The following GSK3A variants were observed in gnomAD, a reference collection of about 807,000 sequenced individuals.
GSK3A encodes the protein glycogen synthase kinase-3 alpha.
In GSK3A, 14 loss-of-function variants were observed where a neutral mutation model predicts 56.6. The observed-to-expected ratio is 0.25, with a 90% confidence interval of 0.16 to 0.39. The LOEUF (loss-of-function observed/expected upper bound fraction) is 0.39. GSK3A is among the 10% of genes least tolerant of loss of function. The pLI is 1.00. For synonymous variants in GSK3A, 301 were observed against 285.0 expected, an observed-to-expected ratio of 1.06 and a Z score of -0.56; for missense variants, 450 against 656.0, an observed-to-expected ratio of 0.69 and a Z score of 3.43.
chr19:42,234,492 G>C lies in GSK3A; in HGVS notation c.798-33C>G, dbSNP rs1368359179. 1 of 1,613,532 alleles carries C rather than the reference G, an allele frequency of 6.2e-7. No individual in the cohort carries two copies. Among genetic ancestry groups the C allele is most frequent in the African/African-American group, 1.3e-5 (1 of 75,042 alleles). ...AAGAGATGGGCAGGGGTACACGTGA[G>C]GCAAGGGTTGGGGTCCCCCCTGCCT... On this transcript the variant is annotated intron_variant, in intron 5 of 10. Coordinates refer to ENST00000222330, the MANE Select transcript of GSK3A (RefSeq NM_019884.3). This position sits in a 1 kb window ranked among gnomAD's most constrained non-coding sequence, Gnocchi z 5.7.
rs2036280300 is a variant in GSK3A, at chr19:42,239,804, T to C, written c.471+151A>G. On this transcript the variant is annotated intron_variant, in intron 2 of 10. Coordinates refer to ENST00000222330, the MANE Select transcript of GSK3A (RefSeq NM_019884.3). ...GCTCTGGGCTCTCCTGGGATCCACA[T>C]TTCCCATCTTTCACAGGTCTCATTT... 4.6e-6 allele frequency: 3 copies of C among 654,604 alleles called. No individual in the cohort carries two copies. In the East Asian group the frequency reaches 8.2e-5, roughly 18 times the overall value. 40.5% of individuals were successfully genotyped at this position (654,604 alleles called of 1,614,324 possible). A position where few individuals can be genotyped will look rare whatever the true frequency, so the allele number is the denominator to read the frequency against.
rs763037741 is a variant in GSK3A at position 42,233,060 on chromosome 19, G to A, written c.1098+50C>T. 3.2e-6 allele frequency: 4 copies of A among 1,232,720 alleles called. No individual in the cohort carries two copies. In the African/African-American group the frequency reaches 6.0e-5, roughly 19 times the overall value. The allele number at this position is 1,232,720 out of a possible 1,614,324, so 76.4% of individuals were successfully genotyped here. On this transcript the variant is annotated intron_variant, in intron 8 of 10. Transcript: ENST00000222330. Reference sequence around the variant, plus strand: ...GGTCCACAGAACAGTTGACCTCCAAGGGGGACCAGCTCTCAGCCATACTGC... The same window carrying A: ...GGTCCACAGAACAGTTGACCTCCAAAGGGGACCAGCTCTCAGCCATACTGC...
intron 2 of GSK3A, among the ~76,000 whole-genome samples, chr19:42,237,798 G>C (rs2036266827): frequency 6.6e-6 from 1 of 151,798 alleles, no homozygotes; most frequent in African/African-American, 2.4e-5. Context: ...AGAATGGCGT[G>C]AACCCAGGAG....
intron 1 of GSK3A, 59 bp from the exon 2 acceptor site, chr19:42,240,201 C>T (rs765864205): frequency 1.7e-4 from 257 of 1,481,288 alleles, no homozygotes; most frequent in Non-Finnish European, 4.2e-5. Flanking sequence ...ATCACCCTAT[C>T]CTGGGGCTGT....
intron 10 of GSK3A, 38 bp downstream of exon 10, chr19:42,232,019 A>C: frequency 1.7e-6 from 2 of 1,183,256 alleles, no homozygotes; most frequent in Non-Finnish European, 2.5e-6. Context: ...CTCCAGGCTG[A>C]GAGATACTTT....
At chr19:42,236,191 C>G (rs1599811539) in intron 4 of GSK3A, among the ~76,000 whole-genome samples, 1 of 152,206 alleles carries the variant, frequency 6.6e-6, no homozygotes, top group East Asian at 1.9e-4. Flanking sequence ...GGATGCTAAC[C>G]TTCCTCCAGC....
In GSK3A at chr19:42,230,445, A is replaced by C; in HGVS notation, c.*349T>G. On this transcript the variant is annotated 3_prime_UTR_variant, in exon 11 of 11. Transcript: ENST00000222330. ...TTACACCCGGGGGCCAGGGAAGGGA[A>C]GAGGAGACGGGCTGGGCTGGTTCTA... The C allele has an allele frequency of 6.6e-6, 2 of 305,220 alleles. No individual in the cohort carries two copies. Among genetic ancestry groups the C allele is most frequent in the African/African-American group, 2.2e-5 (1 of 46,158 alleles). The allele number at this position is 305,220 out of a possible 1,614,324, so 18.9% of individuals were successfully genotyped here.
chr19:42,234,249 G>T lies in GSK3A; in HGVS notation c.904+104C>A. Reference sequence around the variant, plus strand: ...CTAAGTTTGTGAGGACTGGATACAAGAACAGAAGTTAAGCTTTCATCACCA... The same window carrying T: ...CTAAGTTTGTGAGGACTGGATACAATAACAGAAGTTAAGCTTTCATCACCA... On this transcript the variant is annotated intron_variant, in intron 6 of 10. Transcript: ENST00000222330. The surrounding 1 kb of genome is among the most constrained non-coding windows in gnomAD (Gnocchi z 5.7). 2 of 822,356 alleles carry T rather than the reference G, an allele frequency of 2.4e-6. No individual in the cohort carries two copies. The highest frequency in any genetic ancestry group is 2.8e-5 in the South Asian group (2 of 70,972). 50.9% of individuals were successfully genotyped at this position (822,356 alleles called of 1,614,324 possible).
At position 42,242,491 on chromosome 19, in the gene GSK3A, G is replaced by C; in HGVS notation, c.-26C>G. The C allele has an allele frequency of 8.8e-7, 1 of 1,130,260 alleles. No homozygotes were observed. The highest frequency in any genetic ancestry group is 1.1e-6 in the Non-Finnish European group (1 of 926,462). 70.0% of individuals were successfully genotyped at this position (1,130,260 alleles called of 1,614,324 possible). ...GGCGCCGAGCACAGGCCCAGGCTGC[G>C]GGGCTCGGGCTGCCCGGGCTGCCCC... On this transcript the variant is annotated 5_prime_UTR_variant, in exon 1 of 11. Transcript: ENST00000222330.
rs763409196 is a variant in GSK3A at position 42,232,585 on chromosome 19, G to A, written c.1196C>T (p.Ala399Val). Reference sequence around the variant, plus strand: ...TCGCAGTTCATCAAAGAAGCTGTGCGCACAGGCCTCTAGTGGGGAGAGCCT... The same window carrying A: ...TCGCAGTTCATCAAAGAAGCTGTGCACACAGGCCTCTAGTGGGGAGAGCCT... Reference protein sequence around the residue: ...SSRLSPLEACAHSFFDELRCL... With the variant: ...SSRLSPLEACVHSFFDELRCL... The change falls in exon 9 of 11, where the codon GCG becomes GTG. Residue 399 changes from alanine (A) to valine (V), a missense_variant. Ala to Val is a moderately conservative substitution (Grantham distance 64). Around this residue, in one of 3 missense-constraint regions of GSK3A, gnomAD observed 113 missense variants for 147.5 expected, o/e 0.77. Coordinates refer to ENST00000222330, the MANE Select transcript of GSK3A (RefSeq NM_019884.3). 9.9e-6 allele frequency: 16 copies of A among 1,613,878 alleles called. No homozygotes were observed. The highest frequency in any genetic ancestry group is 3.3e-5 in the South Asian group (3 of 91,074).
Position 42,242,231 on chromosome 19 carries a change from C to T in GSK3A, c.235G>A (p.Gly79Ser), listed in dbSNP as rs1019306691. 2 of 1,441,280 alleles carry T rather than the reference C, an allele frequency of 1.4e-6. No individual in the cohort carries two copies. Among genetic ancestry groups the T allele is most frequent in the African/African-American group, 3.0e-5 (2 of 67,412 alleles). The allele number at this position is 1,441,280 out of a possible 1,614,324, so 89.3% of individuals were successfully genotyped here. ...PGGSGGGGSG[G>S]PGAGTSFPPP... is the part of the protein sequence containing the mutation. ...GGGAAGCTAGTGCCTGCGCCGGGGC[C>T]TCCGCTGCCTCCTCCGCCGCTGCCG... is the stretch of plus-strand genomic sequence containing the variant. The change falls in exon 1 of 11, where the codon GGC (glycine) becomes AGC (serine). Residue 79 changes from glycine to serine, a missense_variant. Around this residue, in one of 3 missense-constraint regions of GSK3A, gnomAD observed 193 missense variants for 200.5 expected, o/e 0.96. Coordinates refer to ENST00000222330, the MANE Select transcript of GSK3A (RefSeq NM_019884.3).
intron 6 of GSK3A, among the ~76,000 whole-genome samples, chr19:42,233,875 G>A (rs1257116799): frequency 6.6e-6 from 1 of 152,172 alleles, no homozygotes; most frequent in Non-Finnish European, 1.5e-5. Context: ...TGCTGCTGTG[G>A]AAGGTGCCCT....
At position 42,230,772 on chromosome 19, in the gene GSK3A, G is replaced by C; in HGVS notation, c.*22C>G. On this transcript the variant is annotated 3_prime_UTR_variant, in exon 11 of 11. Transcript: ENST00000222330. ...CCTCTTGGGGCTCCCAGATGGAAGT[G>C]GAAGGGTGCTTGGTGGGGCCCTCAG... is the stretch of plus-strand genomic sequence containing the variant. 1.3e-6 allele frequency: 2 copies of C among 1,534,772 alleles called. No homozygotes were observed. Among genetic ancestry groups the C allele is most frequent in the Non-Finnish European group, 8.8e-7 (1 of 1,130,464 alleles).
intron 10 of GSK3A, among the ~76,000 whole-genome samples, chr19:42,231,744 GC>G (rs2036224940): frequency 6.6e-6 from 1 of 150,868 alleles, no homozygotes. Flanking sequence ...CTGCACTGCA[GC>G]CTGGGTGGCG....
chr19:42,230,805 T>TA lies in GSK3A; in HGVS notation c.1440dup (p.Asn481Ter). 6.4e-7 allele frequency: 1 copy of TA among 1,560,454 alleles called. No homozygotes were observed. The stretch of plus-strand genomic sequence containing the variant: ...GCTTGGTGGGGCCCTCAGGAGGAGT[T>TA]AGTGAGGGTAGGTGTGGCATCGGTC... On this transcript the variant is annotated frameshift_variant, in exon 11 of 11. Transcript: ENST00000222330. LOFTEE classifies it high-confidence loss of function.
Position 42,233,466 on chromosome 19 carries a change from A to C in GSK3A, c.905-83T>G. 3 of 909,600 alleles carry C rather than the reference A, an allele frequency of 3.3e-6. No homozygotes were observed. In the South Asian group the frequency reaches 4.8e-5, roughly 14 times the overall value. 56.3% of individuals were successfully genotyped at this position (909,600 alleles called of 1,614,324 possible). ...TGCTTTTATTCCTCATGGCCATCCT[A>C]AGAGTGTCAGGAGCCCCGTTTTCTC... On this transcript the variant is annotated intron_variant, in intron 6 of 10. Coordinates refer to ENST00000222330, the MANE Select transcript of GSK3A (RefSeq NM_019884.3).
intron 1 of GSK3A, chr19:42,240,602 A>T (rs1020155259): frequency 8.1e-5 from 17 of 209,312 alleles, no homozygotes. Flanking sequence ...CCTCTCTCAC[A>T]GCCTAGAGGA....
Position 42,233,399 on chromosome 19 carries a change from G to A in GSK3A, c.905-16C>T. ...GACCAAACATCTGAGGGGAAATGGA[G>A]GGAGCGTCAGGGCTAGGCGAGTAGG... On this transcript the variant is annotated splice_polypyrimidine_tract_variant and intron_variant, in intron 6 of 10. Coordinates refer to ENST00000222330, the MANE Select transcript of GSK3A (RefSeq NM_019884.3). The A allele has an allele frequency of 6.6e-7, 1 of 1,522,552 alleles. No individual in the cohort carries two copies. The allele number at this position is 1,522,552 out of a possible 1,614,324, so 94.3% of individuals were successfully genotyped here.
chr19:42,232,338 C>T (rs937655381), intron 9 of GSK3A, among the ~76,000 whole-genome samples, 158 bp downstream of exon 9: 4 of 152,164 alleles, frequency 2.6e-5, no homozygotes, highest in African/African-American at 4.8e-5. Context: ...GAAGCAGGTT[C>T]GATTCCCCCT....
Sources: gnomAD v4.1 joint callset for allele counts (sites outside exome capture counted in the v4.1 genomes callset) on GRCh38, gnomAD v4.1.1 for gene constraint, gnomAD v4.1.1 regional missense constraint, Gnocchi (gnomAD v3.1) non-coding constraint, MANE v1.5 for transcripts, NCBI Gene and HGNC (gene_info 2026-07-23, HGNC 2026-07-21) for gene names.